The following PTPN3 variants were observed in gnomAD, a reference collection of about 807,000 sequenced individuals.
PTPN3 encodes tyrosine-protein phosphatase non-receptor type 3.
A neutral mutation model predicts 132.7 loss-of-function variants in PTPN3; 96 were observed. The observed-to-expected ratio is 0.72, with a 90% CI of 0.61 to 0.86. PTPN3 has a LOEUF of 0.86. Among genes scored for constraint, PTPN3 ranks in the 40% least tolerant of loss-of-function variants. The pLI, the probability that PTPN3 is intolerant of heterozygous loss-of-function variation, is 0.00. For synonymous variants in PTPN3, 398 were observed against 429.0 expected (o/e 0.93, Z 0.89); for missense variants, 1,125 against 1,159.6 (o/e 0.97, Z 0.43).
the PTPN3 span, among the ~76,000 whole-genome samples, chr9:109,509,049 C>G: frequency 6.6e-6 from 1 of 152,166 alleles, no homozygotes; most frequent in African/African-American, 2.4e-5. Flanking sequence ...AAAGGAAGAT[C>G]TACAGGTGAA....
intron 7 of PTPN3, among the ~76,000 whole-genome samples, chr9:109,442,903 G>C (rs553936880): frequency 6.6e-6 from 1 of 152,066 alleles, no homozygotes; most frequent in Non-Finnish European, 1.5e-5. Flanking sequence ...CTCAGCCAGG[G>C]ATGGTCCAAC....
At chr9:109,526,540 TG>T in the PTPN3 span, among the ~76,000 whole-genome samples, 1 of 152,060 alleles carries the variant, frequency 6.6e-6, no homozygotes, top group Non-Finnish European at 1.5e-5. Flanking sequence ...CCGACCATAG[TG>T]GCACACACCT....
chr9:109,475,416 G>A (rs915493622), intron 1 of PTPN3, among the ~76,000 whole-genome samples: 2 of 152,178 alleles, frequency 1.3e-5, no homozygotes, highest in African/African-American at 4.8e-5. Context: ...TAGGAGATGA[G>A]GGACTATAAC....
At chr9:109,455,922 G>A (rs1357198888) in intron 4 of PTPN3, among the ~76,000 whole-genome samples, 1 of 152,220 alleles carries the variant, frequency 6.6e-6, no homozygotes, top group South Asian at 2.1e-4. Flanking sequence ...ATGAGAGAAT[G>A]AATGACAACA....
chr9:109,377,444 ACACACACACACAC>A lies in PTPN3; in HGVS notation c.*2099_*2111del, dbSNP rs1228642910. 6 of 127,228 alleles carry A rather than the reference ACACACACACACAC, an allele frequency of 4.7e-5. No homozygotes were observed. The highest frequency in any genetic ancestry group is 1.4e-4 in the African/African-American group (5 of 34,794). The allele number at this position is 127,228 out of a possible 1,614,324, so 7.9% of individuals were successfully genotyped here. A position where few individuals can be genotyped will look rare whatever the true frequency, so the allele number is the denominator to read the frequency against. On this transcript the variant is annotated 3_prime_UTR_variant, in exon 26 of 26. Coordinates refer to ENST00000374541, the MANE Select transcript of PTPN3 (RefSeq NM_002829.4). ...CACACACACACACACACACACACACACACACACACACACAAGCCAGGTGAGGTGGCATGTGCCT... is the reference window on the plus strand; with the variant it reads ...CACACACACACACACACACACACACAAAGCCAGGTGAGGTGGCATGTGCCT...
chr9:109,504,864 C>G, the PTPN3 span, among the ~76,000 whole-genome samples: 1 of 152,198 alleles, frequency 6.6e-6, no homozygotes, highest in Non-Finnish European at 1.5e-5. Context: ...TGAACTGCAG[C>G]TGACCGAAAC....
chr9:109,524,523 C>T, the PTPN3 span, among the ~76,000 whole-genome samples: 3 of 152,112 alleles, frequency 2.0e-5, no homozygotes, highest in African/African-American at 7.2e-5. Context: ...AAACTGCCTC[C>T]CTGTGTAGGG....
At chr9:109,528,751 G>C in the PTPN3 span, among the ~76,000 whole-genome samples, 17 of 152,048 alleles carry the variant, frequency 1.1e-4, no homozygotes, top group African/African-American at 3.4e-4. Flanking sequence ...TCAAATCTCT[G>C]TGTGTGTGTA....
Position 109,410,373 on chromosome 9 carries a change from C to T in PTPN3, c.1356G>A (p.Gln452=). ...ATGGAGACACAGAACTGGATGACTT[C>T]TGGGTCAGGTAGCTTTGTGCCGGAT... ...ENNPAQSYLT[Q]KSSSSVSPSS... Residue 452 remains glutamine (Q), a synonymous_variant, in exon 15 of 26, where the codon CAG becomes CAA. Transcript: ENST00000374541. The T allele has an allele frequency of 6.2e-7, 1 of 1,614,170 alleles. No individual in the cohort carries two copies. The highest frequency in any genetic ancestry group is 8.5e-7 in the Non-Finnish European group (1 of 1,180,026).
the PTPN3 span, among the ~76,000 whole-genome samples, chr9:109,535,986 A>G: frequency 1.3e-5 from 2 of 152,252 alleles, no homozygotes; most frequent in East Asian, 3.9e-4. Context: ...CACCACCCCA[A>G]AAGGAAGCCC....
chr9:109,473,205 C>A (rs1356632958), intron 1 of PTPN3, among the ~76,000 whole-genome samples: 1 of 152,136 alleles, frequency 6.6e-6, no homozygotes, highest in Non-Finnish European at 1.5e-5. Flanking sequence ...TCCTGATACT[C>A]CAAAAGTACA....
intron 19 of PTPN3, among the ~76,000 whole-genome samples, chr9:109,398,416 G>A (rs1840773303): frequency 6.6e-6 from 1 of 152,216 alleles, no homozygotes; most frequent in South Asian, 2.1e-4. Flanking sequence ...GAGCCAGTGA[G>A]TCACTTGTTT....
intron 13 of PTPN3, among the ~76,000 whole-genome samples, chr9:109,421,047 C>T (rs747432699): frequency 1.3e-5 from 2 of 152,204 alleles, no homozygotes; most frequent in African/African-American, 2.4e-5. Context: ...CTTATTTCAA[C>T]GACATCCCTT....
At chr9:109,516,510 T>TGGTGAGGG in the PTPN3 span, among the ~76,000 whole-genome samples, 1 of 151,918 alleles carries the variant, frequency 6.6e-6, no homozygotes, top group Non-Finnish European at 1.5e-5. Flanking sequence ...TTAAGATCCA[T>TGGTGAGGG]GGTGAGGGTG....
At chr9:109,522,548 A>G in the PTPN3 span, among the ~76,000 whole-genome samples, 1 of 152,338 alleles carries the variant, frequency 6.6e-6, no homozygotes, top group African/African-American at 2.4e-5. Flanking sequence ...ATTTATTTAT[A>G]CAAAGAATTC....
chr9:109,396,817 TTTC>T (rs1270638203), intron 19 of PTPN3, among the ~76,000 whole-genome samples: 8 of 152,174 alleles, frequency 5.3e-5, no homozygotes, highest in African/African-American at 1.9e-4. Flanking sequence ...GGCTTAAATA[TTTC>T]TTCTTAGAAC....
At chr9:109,466,699 G>A (rs1246546695) in intron 1 of PTPN3, among the ~76,000 whole-genome samples, 1 of 152,160 alleles carries the variant, frequency 6.6e-6, no homozygotes, top group Non-Finnish European at 1.5e-5. Flanking sequence ...TCTGGCAGAC[G>A]CAAGTCACGG....
At chr9:109,533,334 C>T in the PTPN3 span, 7 of 479,940 alleles carry the variant, frequency 1.5e-5, no homozygotes, top group African/African-American at 4.0e-5. Context: ...TTAGTAGAGA[C>T]GGGGTTTCAC....
chr9:109,411,521 C>T (rs534755399), intron 14 of PTPN3, among the ~76,000 whole-genome samples: 4 of 152,258 alleles, frequency 2.6e-5, no homozygotes, highest in African/African-American at 9.6e-5. Flanking sequence ...CCAGCACAGA[C>T]ACCTTACAGA....
Sources: gnomAD v4.1 joint callset for allele counts (sites outside exome capture counted in the v4.1 genomes callset) on GRCh38, gnomAD v4.1.1 for gene constraint, MANE v1.5 for transcripts, NCBI Gene and HGNC (gene_info 2026-07-23, HGNC 2026-07-21) for gene names.